The following ROBO2 variants were observed in gnomAD, a reference collection of about 807,000 sequenced individuals.
ROBO2 encodes the protein roundabout guidance receptor 2, also known as roundabout homolog 2.
A neutral mutation model predicts 160.8 loss-of-function variants in ROBO2; 53 were observed. The ratio of observed to expected loss-of-function variants is 0.33; its 90% confidence interval spans 0.26 to 0.41. The LOEUF (loss-of-function observed/expected upper bound fraction) is 0.41. ROBO2 is among the 10% of genes least tolerant of loss of function. The probability of loss-of-function intolerance (pLI) is 1.00; values close to 1 mark genes in which losing one functional copy is unlikely to be tolerated. For synonymous variants in ROBO2, 664 were observed against 611.7 expected, an observed-to-expected ratio of 1.09 and a Z score of -1.26; for missense variants, 1,577 against 1,722.4, an observed-to-expected ratio of 0.92 and a Z score of 1.49.
chr3:77,140,273 G>C (rs1385282181), intron 2 of ROBO2, among the ~76,000 whole-genome samples: 1 of 152,026 alleles, frequency 6.6e-6, no homozygotes, highest in Non-Finnish European at 1.5e-5. Flanking sequence ...AAGCTGGGAG[G>C]GGGGACAAAT....
At chr3:77,124,108 AT>A (rs1421187699) in intron 2 of ROBO2, among the ~76,000 whole-genome samples, 2 of 151,980 alleles carry the variant, frequency 1.3e-5, no homozygotes, top group African/African-American at 2.4e-5. Context: ...CAGTGTCTAG[AT>A]GGGTTAAAGG....
intron 2 of ROBO2, among the ~76,000 whole-genome samples, chr3:76,216,242 A>C (rs1257889963): frequency 6.6e-6 from 1 of 152,210 alleles, no homozygotes; most frequent in Non-Finnish European, 1.5e-5. Context: ...CTAGGAAGAA[A>C]CTGCATCAAC....
At chr3:76,253,728 A>C (rs974273878) in intron 2 of ROBO2, among the ~76,000 whole-genome samples, 3 of 151,738 alleles carry the variant, frequency 2.0e-5, no homozygotes, top group South Asian at 4.2e-4. Context: ...AAGCATCACT[A>C]TTATATGCTA....
chr3:76,330,426 C>A (rs559977036), intron 2 of ROBO2, among the ~76,000 whole-genome samples: 1 of 152,128 alleles, frequency 6.6e-6, no homozygotes, highest in African/African-American at 2.4e-5. Context: ...TTCAAATACA[C>A]TATTTTTATT....
At chr3:77,113,052 A>G (rs1414736513) in intron 2 of ROBO2, among the ~76,000 whole-genome samples, 1 of 152,202 alleles carries the variant, frequency 6.6e-6, no homozygotes. Context: ...ACTTAGCATT[A>G]TCACTGTTTT....
chr3:77,450,142 G>A (rs571095608), intron 2 of ROBO2, among the ~76,000 whole-genome samples: 147 of 152,158 alleles, frequency 9.7e-4, no homozygotes, highest in Non-Finnish European at 1.3e-3. Context: ...TTTTCTCTGG[G>A]CATATTTTAG....
chr3:77,025,001 A>G (rs1357795505), intron 2 of ROBO2, among the ~76,000 whole-genome samples: 1 of 149,996 alleles, frequency 6.7e-6, no homozygotes, highest in Admixed American at 6.6e-5. Flanking sequence ...AAAAAAGGAC[A>G]GAAGGTCTGT....
intron 2 of ROBO2, among the ~76,000 whole-genome samples, chr3:76,441,105 C>CA (rs552121734): frequency 2.1e-4 from 31 of 150,432 alleles, no homozygotes; most frequent in Non-Finnish European, 3.7e-4. Context: ...GATTCTATTC[C>CA]AAAAAAAAAG....
intron 2 of ROBO2, among the ~76,000 whole-genome samples, chr3:75,982,722 T>C (rs907629226): frequency 4.6e-5 from 7 of 151,508 alleles, no homozygotes; most frequent in Admixed American, 2.6e-4. Context: ...ATGCAAAAGT[T>C]TGGTAACATT....
chr3:76,113,504 A>G (rs2070331042), intron 2 of ROBO2, among the ~76,000 whole-genome samples: 1 of 152,146 alleles, frequency 6.6e-6, no homozygotes, highest in Non-Finnish European at 1.5e-5. Flanking sequence ...GTAACAGCCC[A>G]TTACATATAT....
chr3:76,163,538 A>T (rs2072718280), intron 2 of ROBO2, among the ~76,000 whole-genome samples: 1 of 149,402 alleles, frequency 6.7e-6, no homozygotes, highest in Non-Finnish European at 1.5e-5. Context: ...TTGTATATGA[A>T]TATATTTGAA....
At chr3:77,255,601 C>G (rs2090837753) in intron 2 of ROBO2, among the ~76,000 whole-genome samples, 1 of 152,204 alleles carries the variant, frequency 6.6e-6, no homozygotes. Flanking sequence ...GAGTTACTAT[C>G]CAAATTCCTA....
intron 6 of ROBO2, among the ~76,000 whole-genome samples, chr3:77,537,397 T>A (rs2092192602): frequency 6.6e-6 from 1 of 152,152 alleles, no homozygotes; most frequent in African/African-American, 2.4e-5. Flanking sequence ...TAACATGTTT[T>A]GCTCATACAA....
At chr3:76,058,261 A>G (rs989551983) in intron 2 of ROBO2, among the ~76,000 whole-genome samples, 1 of 151,548 alleles carries the variant, frequency 6.6e-6, no homozygotes, top group Non-Finnish European at 1.5e-5. Flanking sequence ...ATAACCCCCT[A>G]CCCTCCAACA....
At chr3:76,019,494 G>A (rs558613166) in intron 2 of ROBO2, among the ~76,000 whole-genome samples, 224 of 149,726 alleles carry the variant, frequency 1.5e-3, no homozygotes, top group African/African-American at 5.2e-3. Flanking sequence ...GTATTCCTTC[G>A]AATTGGCTAA....
intron 17 of ROBO2, among the ~76,000 whole-genome samples, chr3:77,594,209 A>G (rs2094246710): frequency 1.3e-5 from 2 of 152,302 alleles, no homozygotes; most frequent in South Asian, 2.1e-4. Context: ...GAAAAACTAA[A>G]TAACTTTGAA....
chr3:76,921,913 A>G (rs1029158496), intron 2 of ROBO2, among the ~76,000 whole-genome samples: 2 of 152,234 alleles, frequency 1.3e-5, no homozygotes, highest in African/African-American at 4.8e-5. Context: ...AGATGTGAAC[A>G]TATCAGAAGA....
intron 2 of ROBO2, among the ~76,000 whole-genome samples, chr3:76,076,833 T>A (rs531139782): frequency 2.3e-4 from 35 of 152,232 alleles, no homozygotes; most frequent in Non-Finnish European, 4.4e-4. Flanking sequence ...ATTAAAGAGA[T>A]GCCATACATT....
At chr3:77,330,605 G>A (rs1033850868) in intron 2 of ROBO2, among the ~76,000 whole-genome samples, 3 of 152,190 alleles carry the variant, frequency 2.0e-5, no homozygotes, top group Non-Finnish European at 4.4e-5. Flanking sequence ...AAGTAAAGAA[G>A]CCTGTATAGA....
Sources: gnomAD v4.1 joint callset for allele counts (sites outside exome capture counted in the v4.1 genomes callset) on GRCh38, gnomAD v4.1.1 for gene constraint, MANE v1.5 for transcripts, NCBI Gene and HGNC (gene_info 2026-07-23, HGNC 2026-07-21) for gene names.